ZNF474: variants seen among roughly 807,000 people sequenced by gnomAD.
The protein encoded by ZNF474 is zinc finger protein 474.
For synonymous variants in ZNF474, 192 were observed against 162.2 expected (o/e 1.18, Z -1.39); for missense variants, 511 against 433.8 (o/e 1.18, Z -1.58).
chr5:122,146,540 CA>C (rs1043395301), intron 1 of ZNF474, among the ~76,000 whole-genome samples: 5 of 151,558 alleles, frequency 3.3e-5, no homozygotes, highest in African/African-American at 9.7e-5. Flanking sequence ...ATTCCTTCAT[CA>C]AAAAAAATCT....
At chr5:122,139,291 A>C (rs938355635) in intron 1 of ZNF474, among the ~76,000 whole-genome samples, 18 of 152,190 alleles carry the variant, frequency 1.2e-4, no homozygotes, top group African/African-American at 4.3e-4. Flanking sequence ...AGAGATTCCC[A>C]GAAGTAGCAC....
In ZNF474 at chr5:122,152,291, G is replaced by A; in HGVS notation, c.301G>A (p.Gly101Ser). Residue 101 changes from glycine (G) to serine (S), a missense_variant, in exon 2 of 2, where the codon GGC becomes AGC. By Grantham distance (56) the Gly-to-Ser change is moderately conservative. Transcript: ENST00000296600. ...RPGFRVCYIC[G>S]REFGSQSIAI... ...TGGATTCCGGGTATGCTATATCTGT[G>A]GCCGAGAATTTGGGTCCCAGTCAAT... is the stretch of plus-strand genomic sequence containing the variant. The A allele has an allele frequency of 6.2e-7, 1 of 1,614,180 alleles. No individual in the cohort carries two copies.
In ZNF474 at chr5:122,151,878, G is replaced by A; in HGVS notation, c.-113G>A. 2 of 1,329,818 alleles carry A rather than the reference G, an allele frequency of 1.5e-6. No individual in the cohort carries two copies. Among genetic ancestry groups the A allele is most frequent in the Non-Finnish European group, 2.0e-6 (2 of 981,498 alleles). 82.4% of individuals were successfully genotyped at this position (1,329,818 alleles called of 1,614,324 possible). ...CACGGTCTGTGAGGCTAAGGTACTG[G>A]CAACGGTGTGAACCCCAGGACAACT... is the stretch of plus-strand genomic sequence containing the variant. On this transcript the variant is annotated 5_prime_UTR_variant, in exon 2 of 2. Transcript: ENST00000296600.
At chr5:122,138,132 A>G (rs2152604131) in intron 1 of ZNF474, among the ~76,000 whole-genome samples, 1 of 152,336 alleles carries the variant, frequency 6.6e-6, no homozygotes, top group Non-Finnish European at 1.5e-5. Flanking sequence ...GATATATTAA[A>G]ATGCAAAGGC....
chr5:122,137,797 CCA>C (rs1755741499), intron 1 of ZNF474, among the ~76,000 whole-genome samples: 1 of 152,120 alleles, frequency 6.6e-6, no homozygotes, highest in Non-Finnish European at 1.5e-5. Flanking sequence ...AGTGGGACAA[CCA>C]TGGAGCAGTC....
chr5:122,153,074 C>T lies in ZNF474; in HGVS notation c.1084C>T (p.Leu362Phe). ...QDALGEPGGA[L>F]CL ...CGCATTAGGTGAACCTGGTGGTGCC[C>T]TCTGCCTGTAGGGGAACAAGAGAAA... The change falls in exon 2 of 2, where the codon CTC (leucine) becomes TTC (phenylalanine). Residue 362 changes from leucine (L) to phenylalanine (F), a missense_variant. By Grantham distance (22) the Leu-to-Phe change is conservative. Coordinates refer to ENST00000296600, the MANE Select transcript of ZNF474 (RefSeq NM_207317.3). 4 of 1,609,704 alleles carry T rather than the reference C, an allele frequency of 2.5e-6. No homozygotes were observed. Among genetic ancestry groups the T allele is most frequent in the African/African-American group, 1.3e-5 (1 of 74,914 alleles).
At chr5:122,131,245 A>G (rs917270143) in intron 1 of ZNF474, among the ~76,000 whole-genome samples, 2 of 152,182 alleles carry the variant, frequency 1.3e-5, no homozygotes, top group African/African-American at 4.8e-5. Context: ...TATGGAAAAC[A>G]ATATGGAAGT....
intron 1 of ZNF474, among the ~76,000 whole-genome samples, chr5:122,135,351 A>G (rs1328258360): frequency 6.6e-6 from 1 of 152,196 alleles, no homozygotes. Flanking sequence ...CAAAAGGTCT[A>G]TATACATATA....
In ZNF474 at chr5:122,153,258, C is replaced by G. The variant is rs193208073; in HGVS notation, c.*173C>G. 7 of 692,502 alleles carry G rather than the reference C, an allele frequency of 1.0e-5. No individual in the cohort carries two copies. The highest frequency in any genetic ancestry group is 3.9e-4 in the Middle Eastern group (1 of 2,570). The allele number at this position is 692,502 out of a possible 1,614,324, so 42.9% of individuals were successfully genotyped here. On this transcript the variant is annotated 3_prime_UTR_variant, in exon 2 of 2. Coordinates refer to ENST00000296600, the MANE Select transcript of ZNF474 (RefSeq NM_207317.3). ...TAAGAACATCCTTGCCTGATGGGTTCATATTCCTCTTCAATTCTGCTGTCT... is the reference window on the plus strand; with the variant it reads ...TAAGAACATCCTTGCCTGATGGGTTGATATTCCTCTTCAATTCTGCTGTCT...
rs199951531 is a variant in ZNF474, at chr5:122,152,419, C to A, written c.429C>A (p.Ser143Arg). 1.5e-5 allele frequency: 24 copies of A among 1,614,218 alleles called. No individual in the cohort carries two copies. In the East Asian group the frequency reaches 4.7e-4, roughly 31 times the overall value. Residue 143 changes from serine to arginine, a missense_variant, in exon 2 of 2, where the codon AGC becomes AGA. Coordinates refer to ENST00000296600, the MANE Select transcript of ZNF474 (RefSeq NM_207317.3). ...AACCCTCCAAACCACAGTCTCTCAG[C>A]AGCAGTGGGTCCTACAGTCTTCAGG... is the stretch of plus-strand genomic sequence containing the variant. ...RPEPSKPQSLSSSGSYSLQAT... is the reference protein window; with the variant it reads ...RPEPSKPQSLRSSGSYSLQAT...
At chr5:122,138,234 G>A (rs1432367813) in intron 1 of ZNF474, among the ~76,000 whole-genome samples, 2 of 152,056 alleles carry the variant, frequency 1.3e-5, no homozygotes. Context: ...ATTATTAATG[G>A]GCAATCACAT....
At chr5:122,148,332 G>T (rs945109380) in intron 1 of ZNF474, among the ~76,000 whole-genome samples, 3 of 152,184 alleles carry the variant, frequency 2.0e-5, no homozygotes, top group African/African-American at 7.2e-5. Context: ...AATTTCAGGA[G>T]AACATTGGAG....
At chr5:122,150,287 T>C (rs1756131159) in intron 1 of ZNF474, among the ~76,000 whole-genome samples, 1 of 152,202 alleles carries the variant, frequency 6.6e-6, no homozygotes, top group Non-Finnish European at 1.5e-5. Context: ...CAACACATAC[T>C]TTTCCCACAT....
chr5:122,134,198 T>C (rs1755643535), intron 1 of ZNF474, among the ~76,000 whole-genome samples: 1 of 152,138 alleles, frequency 6.6e-6, no homozygotes, highest in South Asian at 2.1e-4. Context: ...TACACTATGT[T>C]GGGAGCAGCA....
chr5:122,152,287 C>A lies in ZNF474; in HGVS notation c.297C>A (p.Ile99=), dbSNP rs1561444575. 1 of 1,614,222 alleles carries A rather than the reference C, an allele frequency of 6.2e-7. No homozygotes were observed. The highest frequency in any genetic ancestry group is 2.2e-5 in the East Asian group (1 of 44,874). The change falls in exon 2 of 2, where the codon ATC becomes ATA. Residue 99 remains isoleucine (I), a synonymous_variant. Transcript: ENST00000296600. ...ARRPGFRVCY[I]CGREFGSQSI... ...GGCCTGGATTCCGGGTATGCTATAT[C>A]TGTGGCCGAGAATTTGGGTCCCAGT...
intron 1 of ZNF474, among the ~76,000 whole-genome samples, chr5:122,137,250 G>C (rs564989256): frequency 3.3e-5 from 5 of 151,852 alleles, no homozygotes; most frequent in Middle Eastern, 3.4e-3. Flanking sequence ...AGGCCAGCCT[G>C]GCCAACATGG....
chr5:122,137,446 CAAAAAAAAAAA>C (rs1166694085), intron 1 of ZNF474, among the ~76,000 whole-genome samples: 56 of 11,612 alleles, frequency 4.8e-3, no homozygotes, highest in Admixed American at 0.012. Context: ...GACTCTGTCT[CAAAAAAAAAAA>C]AAAAAAAAAA....
intron 1 of ZNF474, among the ~76,000 whole-genome samples, chr5:122,134,560 A>G (rs1755653982): frequency 6.6e-6 from 1 of 152,254 alleles, no homozygotes; most frequent in Non-Finnish European, 1.5e-5. Context: ...AACGACAAAC[A>G]TAAATGAATA....
At chr5:122,133,906 T>G (rs1370365973) in intron 1 of ZNF474, among the ~76,000 whole-genome samples, 4 of 152,238 alleles carry the variant, frequency 2.6e-5, no homozygotes, top group Admixed American at 2.6e-4. Flanking sequence ...TCTAAGAGAA[T>G]TTTTAGTTTT....
Sources: gnomAD v4.1 joint callset for allele counts (sites outside exome capture counted in the v4.1 genomes callset) on GRCh38, gnomAD v4.1.1 for gene constraint, MANE v1.5 for transcripts, NCBI Gene and HGNC (gene_info 2026-07-23, HGNC 2026-07-21) for gene names.